HCN1: variants seen among roughly 807,000 people sequenced by gnomAD.
The protein encoded by HCN1 is potassium/sodium hyperpolarization-activated cyclic nucleotide-gated channel 1.
In HCN1, 13 loss-of-function variants were observed where a neutral mutation model predicts 78.9. The observed-to-expected ratio is 0.16, with a 90% confidence interval of 0.11 to 0.26. HCN1 has a LOEUF of 0.26. Ranked by LOEUF, HCN1 falls within the 10% of genes least tolerant of loss-of-function variation. The probability of loss-of-function intolerance (pLI) is 1.00; values close to 1 mark genes in which losing one functional copy is unlikely to be tolerated. For missense variants in HCN1, 810 were observed against 1,154.3 expected, an observed-to-expected ratio of 0.70 and a Z score of 4.32; for synonymous variants, 552 against 455.5, an observed-to-expected ratio of 1.21 and a Z score of -2.70.
chr5:45,653,400 T>C (rs1212881403), intron 1 of HCN1, among the ~76,000 whole-genome samples: 1 of 152,088 alleles, frequency 6.6e-6, no homozygotes, highest in Non-Finnish European at 1.5e-5. Flanking sequence ...TAATATGATG[T>C]CAACAATAAT....
At chr5:45,643,304 C>A (rs1745488924) in intron 2 of HCN1, 1 of 152,008 alleles carries the variant, frequency 6.6e-6, no homozygotes, top group African/African-American at 2.4e-5. Flanking sequence ...TGGGCTAAAA[C>A]CACAAGATAT....
intron 2 of HCN1, among the ~76,000 whole-genome samples, chr5:45,548,928 C>A (rs1485911454): frequency 6.6e-6 from 1 of 151,190 alleles, no homozygotes; most frequent in African/African-American, 2.4e-5. Context: ...ACCTAGGAAT[C>A]CAACTTACAA....
intron 4 of HCN1, among the ~76,000 whole-genome samples, chr5:45,370,167 G>T (rs927965591): frequency 2.0e-5 from 3 of 151,686 alleles, no homozygotes; most frequent in African/African-American, 7.3e-5. Flanking sequence ...AGAATACAAG[G>T]TTGTTTTTGT....
chr5:45,558,989 G>A (rs1743539716), intron 2 of HCN1: 2 of 143,880 alleles, frequency 1.4e-5, no homozygotes, highest in South Asian at 4.4e-4. Context: ...TCAAACTCCT[G>A]GCCTCAAATG....
chr5:45,693,919 T>G (rs1047109783), intron 1 of HCN1, among the ~76,000 whole-genome samples: 1 of 152,204 alleles, frequency 6.6e-6, no homozygotes, highest in African/African-American at 2.4e-5. Context: ...ACCACATTTA[T>G]TTTTGCTATT....
At chr5:45,493,182 T>G (rs1203231408) in intron 2 of HCN1, among the ~76,000 whole-genome samples, 2 of 152,068 alleles carry the variant, frequency 1.3e-5, no homozygotes, top group African/African-American at 4.8e-5. Context: ...GATTCTGGAT[T>G]TTTAACTATT....
At chr5:45,660,708 G>A (rs1745914214) in intron 1 of HCN1, among the ~76,000 whole-genome samples, 1 of 136,328 alleles carries the variant, frequency 7.3e-6, no homozygotes, top group East Asian at 2.3e-4. Flanking sequence ...AGACAAAGAA[G>A]GCCATTACAT....
At chr5:45,606,176 C>G (rs942631906) in intron 2 of HCN1, among the ~76,000 whole-genome samples, 1 of 151,990 alleles carries the variant, frequency 6.6e-6, no homozygotes, top group Non-Finnish European at 1.5e-5. Flanking sequence ...CACTTTTATA[C>G]CTTAAAACAT....
At chr5:45,286,806 G>A (rs1355548228) in intron 6 of HCN1, among the ~76,000 whole-genome samples, 1 of 151,832 alleles carries the variant, frequency 6.6e-6, no homozygotes, top group East Asian at 1.9e-4. Flanking sequence ...ATTACTTCTG[G>A]CATTTTAAAT....
chr5:45,593,846 T>C (rs1744435835), intron 2 of HCN1, among the ~76,000 whole-genome samples: 1 of 151,960 alleles, frequency 6.6e-6, no homozygotes, highest in African/African-American at 2.4e-5. Flanking sequence ...GGCTATTGTT[T>C]TGTATTTTTA....
intron 2 of HCN1, among the ~76,000 whole-genome samples, chr5:45,543,932 A>T (rs1471884568): frequency 1.3e-5 from 2 of 152,088 alleles, no homozygotes; most frequent in African/African-American, 4.8e-5. Flanking sequence ...CAGATAGAGA[A>T]GAGTCATGGT....
chr5:45,497,369 T>A (rs913256775), intron 2 of HCN1, among the ~76,000 whole-genome samples: 1 of 152,238 alleles, frequency 6.6e-6, no homozygotes, highest in African/African-American at 2.4e-5. Flanking sequence ...GGACTTGCTT[T>A]ATGAATCTGG....
intron 2 of HCN1, among the ~76,000 whole-genome samples, chr5:45,611,124 C>G (rs1475105400): frequency 6.6e-6 from 1 of 151,056 alleles, no homozygotes; most frequent in Non-Finnish European, 1.5e-5. Flanking sequence ...GATCTTGGGT[C>G]ACTGCAGCCT....
rs1046711086 is a variant in HCN1 at position 45,651,537 on chromosome 5, T to G, written c.426-5929A>C. Among the ~76,000 whole-genome samples the G allele has an allele frequency of 3.3e-5, 5 of 152,012 alleles. No homozygotes were observed. The South Asian group carries it at 8.3e-4, about 25-fold the overall frequency. ...ATAAATACCCAGCTAGATTTAATTT[T>G]TATAACAACAATAGTCCTCAAAATC... On this transcript the variant is annotated intron_variant, in intron 1 of 7. Coordinates refer to ENST00000303230, the MANE Select transcript of HCN1 (RefSeq NM_021072.4).
intron 2 of HCN1, among the ~76,000 whole-genome samples, chr5:45,618,845 A>T (rs2111991066): frequency 6.6e-6 from 1 of 152,168 alleles, no homozygotes; most frequent in East Asian, 1.9e-4. Context: ...AAAAAAAAGG[A>T]GAGACAGCAA....
intron 2 of HCN1, among the ~76,000 whole-genome samples, chr5:45,632,479 T>G (rs534324982): frequency 2.6e-5 from 4 of 152,186 alleles, no homozygotes; most frequent in African/African-American, 9.6e-5. Context: ...AAATTCATAG[T>G]ATTAGCAAGA....
intron 4 of HCN1, among the ~76,000 whole-genome samples, chr5:45,370,720 G>A (rs1747336843): frequency 6.6e-6 from 1 of 151,886 alleles, no homozygotes; most frequent in Non-Finnish European, 1.5e-5. Flanking sequence ...GCTAGCTATT[G>A]TCATGCGCCA....
intron 4 of HCN1, among the ~76,000 whole-genome samples, chr5:45,372,680 T>G (rs1035961170): frequency 4.9e-5 from 7 of 141,706 alleles, no homozygotes; most frequent in Admixed American, 2.9e-4. Flanking sequence ...AAATATAAAA[T>G]ATTTATATAT....
At chr5:45,274,114 A>G (rs951131392) in intron 6 of HCN1, among the ~76,000 whole-genome samples, 2 of 152,168 alleles carry the variant, frequency 1.3e-5, no homozygotes, top group South Asian at 2.1e-4. Flanking sequence ...TATAGATATA[A>G]AGAAGGTATT....
Sources: allele counts gnomAD v4.1 joint callset (sites outside exome capture counted in the v4.1 genomes callset), GRCh38; gene constraint gnomAD v4.1.1; transcripts MANE v1.5; gene names NCBI Gene and HGNC (gene_info 2026-07-23, HGNC 2026-07-21).